The following KDM4C variants were observed in gnomAD, a reference collection of about 807,000 sequenced individuals.
The protein encoded by KDM4C is lysine-specific demethylase 4C.
Under a neutral mutation model 129.3 loss-of-function variants are expected in KDM4C, and 81 were observed. The observed-to-expected ratio is 0.63, with a 90% CI of 0.52 to 0.75. The LOEUF is 0.75. Among genes scored for constraint, KDM4C ranks in the 30% least tolerant of loss-of-function variants. The pLI, the probability that KDM4C is intolerant of heterozygous loss-of-function variation, is 0.00. For synonymous variants in KDM4C, 573 were observed against 456.1 expected (o/e 1.26, Z -3.26); for missense variants, 1,457 against 1,304.0 (o/e 1.12, Z -1.81).
intron 1 of KDM4C, among the ~76,000 whole-genome samples, chr9:6,725,845 G>A (rs1817108012): frequency 1.3e-5 from 2 of 150,728 alleles, no homozygotes; most frequent in South Asian, 4.2e-4. Context: ...AAGTAGCTGG[G>A]ATTACAGGCA....
chr9:7,055,352 C>T (rs928507039), intron 17 of KDM4C, among the ~76,000 whole-genome samples: 1 of 152,166 alleles, frequency 6.6e-6, no homozygotes, highest in Non-Finnish European at 1.5e-5. Context: ...TTTGGAATAG[C>T]AGGATTTGCC....
chr9:6,861,814 T>C (rs13283833), intron 5 of KDM4C, among the ~76,000 whole-genome samples: 79,074 of 150,614 alleles, frequency 0.53, 21,355 homozygotes, highest in African/African-American at 0.63. Flanking sequence ...CTTGCTCTGT[T>C]GCCCAGGCTG....
intron 17 of KDM4C, among the ~76,000 whole-genome samples, chr9:7,087,572 T>C (rs1835277921): frequency 6.6e-6 from 1 of 152,176 alleles, no homozygotes; most frequent in South Asian, 2.1e-4. Flanking sequence ...ATGCATATTT[T>C]TGTTAAAGAG....
intron 1 of KDM4C, among the ~76,000 whole-genome samples, chr9:6,761,776 A>G (rs1440854885): frequency 6.6e-6 from 1 of 152,076 alleles, no homozygotes; most frequent in East Asian, 1.9e-4. Context: ...TTTGTTAAAT[A>G]TTAGTATTTA....
chr9:6,979,909 G>T (rs1445215036), intron 8 of KDM4C, among the ~76,000 whole-genome samples: 11 of 152,192 alleles, frequency 7.2e-5, no homozygotes, highest in Non-Finnish European at 1.2e-4. Context: ...ACAGAGTGTG[G>T]TTTGAAGTTG....
intron 8 of KDM4C, among the ~76,000 whole-genome samples, chr9:6,895,589 A>G (rs770407460): frequency 3.3e-5 from 5 of 152,064 alleles, no homozygotes; most frequent in African/African-American, 4.8e-5. Flanking sequence ...GGGGGTACCA[A>G]TTTATCATTG....
At chr9:6,860,027 C>G (rs1254337344) in intron 5 of KDM4C, among the ~76,000 whole-genome samples, 1 of 152,104 alleles carries the variant, frequency 6.6e-6, no homozygotes, top group African/African-American at 2.4e-5. Context: ...AAGAAAGCCT[C>G]CCTGTGTTTC....
intron 3 of KDM4C, among the ~76,000 whole-genome samples, chr9:6,808,681 A>G (rs1830583014): frequency 6.8e-6 from 1 of 147,244 alleles, no homozygotes; most frequent in South Asian, 2.2e-4. Flanking sequence ...AACACCCAAG[A>G]ATTATCAATA....
intron 5 of KDM4C, among the ~76,000 whole-genome samples, chr9:6,867,613 G>A (rs1364550114): frequency 6.6e-6 from 1 of 152,158 alleles, no homozygotes; most frequent in Admixed American, 6.5e-5. Context: ...ATCTTTCCCT[G>A]TTTTATTAAT....
intron 17 of KDM4C, among the ~76,000 whole-genome samples, chr9:7,069,190 T>G (rs1832866120): frequency 6.6e-6 from 1 of 152,216 alleles, no homozygotes. Flanking sequence ...GTTATTATGA[T>G]GTATTACACT....
At chr9:6,787,437 T>G (rs1315811940) in intron 1 of KDM4C, among the ~76,000 whole-genome samples, 1 of 152,246 alleles carries the variant, frequency 6.6e-6, no homozygotes. Context: ...TTTGCCATGT[T>G]GGCCAGGCTG....
chr9:6,865,940 A>G (rs895787531), intron 5 of KDM4C, among the ~76,000 whole-genome samples: 1 of 151,948 alleles, frequency 6.6e-6, no homozygotes, highest in African/African-American at 2.4e-5. Flanking sequence ...TTTTTAGTAG[A>G]GACAGGGTTT....
intron 17 of KDM4C, among the ~76,000 whole-genome samples, chr9:7,077,927 G>A (rs750122762): frequency 2.6e-5 from 4 of 152,132 alleles, no homozygotes; most frequent in Middle Eastern, 3.2e-3. Flanking sequence ...AGATATTTAG[G>A]CTCTGGGATC....
intron 18 of KDM4C, among the ~76,000 whole-genome samples, chr9:7,117,484 T>G (rs1309498633): frequency 6.6e-6 from 1 of 152,202 alleles, no homozygotes; most frequent in Non-Finnish European, 1.5e-5. Context: ...ATTACCTTAT[T>G]GTTGAGTAAA....
At chr9:7,113,574 A>G (rs1838572158) in intron 18 of KDM4C, among the ~76,000 whole-genome samples, 1 of 152,194 alleles carries the variant, frequency 6.6e-6, no homozygotes, top group Non-Finnish European at 1.5e-5. Context: ...TTGATAGAGC[A>G]AGGGCTTGAG....
chr9:6,975,809 G>T (rs1318298535), intron 8 of KDM4C, among the ~76,000 whole-genome samples: 2 of 152,180 alleles, frequency 1.3e-5, no homozygotes, highest in African/African-American at 4.8e-5. Context: ...TGGGCGAGGT[G>T]GGTGGATCAC....
intron 8 of KDM4C, among the ~76,000 whole-genome samples, chr9:6,935,082 C>T (rs1297049244): frequency 1.3e-5 from 2 of 151,902 alleles, no homozygotes; most frequent in Non-Finnish European, 1.5e-5. Context: ...ATACGAAGTT[C>T]CTTAACTACT....
chr9:6,838,152 C>G (rs1185420865), intron 4 of KDM4C, among the ~76,000 whole-genome samples: 1 of 152,140 alleles, frequency 6.6e-6, no homozygotes, highest in Non-Finnish European at 1.5e-5. Flanking sequence ...ACTGGACATT[C>G]CAAATATTTT....
intron 8 of KDM4C, among the ~76,000 whole-genome samples, chr9:6,897,774 A>G (rs1267402967): frequency 6.6e-6 from 1 of 152,234 alleles, no homozygotes; most frequent in Non-Finnish European, 1.5e-5. Context: ...GGAACGTAAC[A>G]TCTAGTTCTT....
Sources: gnomAD v4.1 joint callset for allele counts (sites outside exome capture counted in the v4.1 genomes callset) on GRCh38, gnomAD v4.1.1 for gene constraint, MANE v1.5 for transcripts, NCBI Gene and HGNC (gene_info 2026-07-23, HGNC 2026-07-21) for gene names.